Variants in RBFOX1 observed in about 807,000 individuals in gnomAD.
The protein encoded by RBFOX1 is RNA binding protein fox-1 homolog 1.
RBFOX1 carries 8 observed loss-of-function variants against 57.7 expected under a neutral mutation model. The observed-to-expected ratio is 0.14, with a 90% CI of 0.08 to 0.25. RBFOX1 has a LOEUF of 0.25. Among genes scored for constraint, RBFOX1 ranks in the 10% least tolerant of loss-of-function variants. RBFOX1 has a pLI of 1.00. For missense variants in RBFOX1, 611 were observed against 548.5 expected (o/e 1.11, Z -1.14); for synonymous variants, 326 against 222.4 (o/e 1.47, Z -4.15).
intron 4 of RBFOX1, among the ~76,000 whole-genome samples, chr16:7,247,276 C>G (rs1184818540): frequency 1.3e-5 from 2 of 152,168 alleles, no homozygotes; most frequent in African/African-American, 4.8e-5. Context: ...CCGCATCACA[C>G]TCGCTGCCGG....
chr16:7,043,785 C>G (rs1366306516), intron 3 of RBFOX1, among the ~76,000 whole-genome samples: 2 of 152,184 alleles, frequency 1.3e-5, no homozygotes, highest in Non-Finnish European at 2.9e-5. Flanking sequence ...AATCTCTCAC[C>G]AGTTCCCTCT....
intron 1 of RBFOX1, among the ~76,000 whole-genome samples, chr16:5,242,217 T>A (rs1455982668): frequency 6.6e-6 from 1 of 152,098 alleles, no homozygotes; most frequent in Non-Finnish European, 1.5e-5. Flanking sequence ...ATATTGATAA[T>A]GAAATATTTA....
At chr16:7,026,335 G>T (rs2040921836) in intron 3 of RBFOX1, among the ~76,000 whole-genome samples, 1 of 152,162 alleles carries the variant, frequency 6.6e-6, no homozygotes, top group African/African-American at 2.4e-5. Context: ...TTTAACTCGG[G>T]TATCCATGAT....
At chr16:5,627,072 T>C (rs1056312739) in intron 3 of RBFOX1, among the ~76,000 whole-genome samples, 14 of 152,366 alleles carry the variant, frequency 9.2e-5, no homozygotes, top group African/African-American at 2.9e-4. Flanking sequence ...AGTTGCTGCT[T>C]TCCTCAGAAG....
At chr16:7,238,070 G>T (rs1355483013) in intron 4 of RBFOX1, among the ~76,000 whole-genome samples, 1 of 152,210 alleles carries the variant, frequency 6.6e-6, no homozygotes, top group African/African-American at 2.4e-5. Flanking sequence ...TATTCTAAGT[G>T]AAATGAGCTT....
At chr16:5,446,603 G>T (rs1030876486) in intron 1 of RBFOX1, among the ~76,000 whole-genome samples, 2 of 152,038 alleles carry the variant, frequency 1.3e-5, no homozygotes, top group Non-Finnish European at 2.9e-5. Context: ...GGCTTGATCC[G>T]ATTTGTACTC....
At chr16:6,069,024 T>C (rs2095802052) in intron 1 of RBFOX1, among the ~76,000 whole-genome samples, 2 of 149,238 alleles carry the variant, frequency 1.3e-5, no homozygotes, top group South Asian at 4.3e-4. Flanking sequence ...AAAAAAAGAA[T>C]GAAGGAAGGG....
At chr16:6,226,872 G>A (rs1036279203) in intron 1 of RBFOX1, among the ~76,000 whole-genome samples, 4 of 151,618 alleles carry the variant, frequency 2.6e-5, no homozygotes, top group Admixed American at 1.3e-4. Context: ...CAGTTTGGGC[G>A]GTGAGGCGGC....
At chr16:6,544,811 C>T (rs1183951350) in intron 2 of RBFOX1, among the ~76,000 whole-genome samples, 1 of 152,168 alleles carries the variant, frequency 6.6e-6, no homozygotes, top group Non-Finnish European at 1.5e-5. Flanking sequence ...GTAGATTAGT[C>T]AGCGAAGGGT....
At chr16:7,342,062 C>G (rs1568308258) in intron 4 of RBFOX1, among the ~76,000 whole-genome samples, 2 of 152,078 alleles carry the variant, frequency 1.3e-5, no homozygotes, top group East Asian at 1.9e-4. Flanking sequence ...GAACTGCTCT[C>G]TGAAGACCTA....
chr16:7,149,178 A>C (rs116878528), intron 4 of RBFOX1, among the ~76,000 whole-genome samples: 1 of 151,892 alleles, frequency 6.6e-6, no homozygotes, highest in African/African-American at 2.4e-5. Context: ...AGTTTCCCCA[A>C]TTCTCCTCCT....
At chr16:6,442,669 A>C (rs2094409150) in intron 2 of RBFOX1, among the ~76,000 whole-genome samples, 1 of 152,144 alleles carries the variant, frequency 6.6e-6, no homozygotes, top group African/African-American at 2.4e-5. Context: ...CGCCAGAAAC[A>C]AGTGTTTTGT....
chr16:6,404,533 T>G (rs2093203553), intron 2 of RBFOX1, among the ~76,000 whole-genome samples: 2 of 152,218 alleles, frequency 1.3e-5, no homozygotes, highest in Non-Finnish European at 1.5e-5. Flanking sequence ...GTGTGTGTTC[T>G]CTACTCTAAT....
chr16:7,605,157 A>G (rs2095235038), intron 9 of RBFOX1, among the ~76,000 whole-genome samples: 1 of 152,210 alleles, frequency 6.6e-6, no homozygotes. Flanking sequence ...CTCAGGAATT[A>G]GACTTTTTTT....
At chr16:7,122,510 C>G (rs2067413406) in intron 4 of RBFOX1, among the ~76,000 whole-genome samples, 1 of 152,008 alleles carries the variant, frequency 6.6e-6, no homozygotes. Flanking sequence ...CAAATGAAAA[C>G]TAGGATGGAA....
intron 4 of RBFOX1, among the ~76,000 whole-genome samples, chr16:7,176,720 A>G (rs888520266): frequency 5.3e-5 from 8 of 152,216 alleles, no homozygotes; most frequent in East Asian, 1.9e-4. Flanking sequence ...AATGAACACA[A>G]TAAGGTGATA....
At position 6,872,012 on chromosome 16, in the gene RBFOX1, C is replaced by G. The variant is rs557201737; in HGVS notation, c.-15-180045C>G. 4.0e-5 allele frequency among the ~76,000 whole-genome samples: 6 copies of G among 149,020 alleles called. No individual in the cohort carries two copies. In the South Asian group the frequency reaches 1.3e-3, roughly 33 times the overall value. On this transcript the variant is annotated intron_variant, in intron 3 of 15. Transcript: ENST00000550418. Reference sequence around the variant, plus strand: ...TCTGAAACCCTTTGTATACTCAATCCTATTGTTCATTATGATTGTGTGTAG... The same window carrying G: ...TCTGAAACCCTTTGTATACTCAATCGTATTGTTCATTATGATTGTGTGTAG...
At chr16:6,426,081 TCTCC>T (rs964734863) in intron 2 of RBFOX1, among the ~76,000 whole-genome samples, 41 of 130,776 alleles carry the variant, frequency 3.1e-4, no homozygotes, top group African/African-American at 1.3e-3. Context: ...TGTCTCATTT[TCTCC>T]CTCTCTCTCT....
At chr16:5,543,065 C>T (rs1480429923) in intron 2 of RBFOX1, among the ~76,000 whole-genome samples, 1 of 152,174 alleles carries the variant, frequency 6.6e-6, no homozygotes, top group Non-Finnish European at 1.5e-5. Flanking sequence ...ATAGAGTAAG[C>T]ATGGCTCTAG....
Sources: allele counts gnomAD v4.1 joint callset (sites outside exome capture counted in the v4.1 genomes callset), GRCh38; gene constraint gnomAD v4.1.1; transcripts MANE v1.5; gene names NCBI Gene and HGNC (gene_info 2026-07-23, HGNC 2026-07-21).